Variants in PTPRS observed in about 807,000 individuals in gnomAD.
PTPRS encodes the protein protein tyrosine phosphatase receptor type S.
PTPRS carries 63 observed loss-of-function variants against 215.3 expected under a neutral mutation model. The observed-to-expected ratio is 0.29, with a 90% CI of 0.24 to 0.36. The LOEUF (loss-of-function observed/expected upper bound fraction) is 0.36, where lower values mean the gene tolerates loss of function less well. Among genes scored for constraint, PTPRS ranks in the 10% least tolerant of loss-of-function variants. PTPRS has a pLI of 1.00. For synonymous variants in PTPRS, 1,404 were observed against 1,191.4 expected (o/e 1.18, Z -3.68); for missense variants, 2,258 against 2,825.8 (o/e 0.80, Z 4.56).
chr19:5,314,221 T>C (rs985593050), intron 1 of PTPRS, among the ~76,000 whole-genome samples: 5 of 152,186 alleles, frequency 3.3e-5, no homozygotes, highest in Admixed American at 1.3e-4. Context: ...AAGCATGTCA[T>C]TTCCCTTCCA....
intron 1 of PTPRS, among the ~76,000 whole-genome samples, chr19:5,292,314 C>A (rs1376640370): frequency 1.3e-5 from 2 of 152,162 alleles, no homozygotes; most frequent in Non-Finnish European, 2.9e-5. Flanking sequence ...CAATGGAGAC[C>A]GAGACGGGGA....
intron 23 of PTPRS, 87 bp downstream of exon 23, chr19:5,219,223 G>A (rs569652855): frequency 6.5e-7 from 1 of 1,535,358 alleles, no homozygotes; most frequent in African/African-American, 1.4e-5. Context: ...GAGACCTTTA[G>A]TGATGATTCT....
At chr19:5,307,627 A>G (rs2049541517) in intron 1 of PTPRS, among the ~76,000 whole-genome samples, 2 of 152,358 alleles carry the variant, frequency 1.3e-5, no homozygotes, top group Non-Finnish European at 2.9e-5. Flanking sequence ...ATTTCTAGAT[A>G]AACTGCGCTC....
rs542688207 is a variant in PTPRS at position 5,265,054 on chromosome 19, A to G, written c.522T>C (p.Pro174=). ...GTCCATTGCTGGCACTAGGATCCAC[A>G]GGCAGGAAGTCCTTGAACCAGGTGA... ...PEITWFKDFL[P]VDPSASNGRI... The change falls in exon 5 of 38, where the codon CCT becomes CCC. Residue 174 remains proline, a synonymous_variant. Transcript: ENST00000262963. The G allele has an allele frequency of 1.1e-5, 17 of 1,614,102 alleles. 2 individuals are homozygous for G. The South Asian group carries it at 1.8e-4, about 17-fold the overall frequency.
At chr19:5,219,678 C>T (rs917071484) in intron 22 of PTPRS, among the ~76,000 whole-genome samples, 5 of 152,228 alleles carry the variant, frequency 3.3e-5, no homozygotes, top group East Asian at 1.9e-4. Flanking sequence ...CTTTCTGTAC[C>T]TCCAGACCTT....
At chr19:5,231,978 G>A (rs754360378) in intron 13 of PTPRS, among the ~76,000 whole-genome samples, 1 of 152,254 alleles carries the variant, frequency 6.6e-6, no homozygotes, top group Non-Finnish European at 1.5e-5. Flanking sequence ...CCTACTATGT[G>A]CTTGGCATCG....
Position 5,243,887 on chromosome 19 carries a change from A to T in PTPRS, c.1570+14T>A, listed in dbSNP as rs550123732. ...ACGGCCGGGGCCCCGAGTCCTGCCG[A>T]CCCCACGCCTCACCTCCCTGCTGCG... On this transcript the variant is annotated intron_variant, in intron 11 of 37. Coordinates refer to ENST00000262963, the MANE Select transcript of PTPRS (RefSeq NM_002850.4). 6 of 1,466,322 alleles carry T rather than the reference A, an allele frequency of 4.1e-6. No individual in the cohort carries two copies. In the South Asian group the frequency reaches 8.3e-5, roughly 20 times the overall value. The allele number at this position is 1,466,322 out of a possible 1,614,324, so 90.8% of individuals were successfully genotyped here.
intron 16 of PTPRS, among the ~76,000 whole-genome samples, chr19:5,226,085 C>T (rs537919079): frequency 1.1e-4 from 17 of 152,262 alleles, no homozygotes; most frequent in Admixed American, 2.0e-4. Flanking sequence ...CTCTCTGCTC[C>T]GCTCCCCTCA....
intron 13 of PTPRS, 42 bp from the exon 14 acceptor site, chr19:5,231,657 G>A (rs1300966243): frequency 2.1e-5 from 2 of 95,036 alleles, no homozygotes; most frequent in Non-Finnish European, 3.9e-5. Context: ...GGGAAGGGAG[G>A]TGGGATGGGT....
chr19:5,325,441 G>C (rs1421981755), intron 1 of PTPRS, among the ~76,000 whole-genome samples: 1 of 152,264 alleles, frequency 6.6e-6, no homozygotes, highest in South Asian at 2.1e-4. Flanking sequence ...TGGGCCATGG[G>C]GCCAGGTCTT....
At chr19:5,225,889 C>G in intron 16 of PTPRS, 45 bp from the exon 17 acceptor site, 12 of 1,500,188 alleles carry the variant, frequency 8.0e-6, no homozygotes, top group Non-Finnish European at 1.0e-5. Flanking sequence ...GGGCTGGGAG[C>G]AGCCCCACCC....
intron 1 of PTPRS, among the ~76,000 whole-genome samples, chr19:5,291,021 T>C (rs566194707): frequency 5.3e-5 from 8 of 152,154 alleles, no homozygotes; most frequent in Non-Finnish European, 1.2e-4. Flanking sequence ...CAGGGCGCCA[T>C]TATCTCCCTA....
At chr19:5,296,288 G>T (rs541245567) in intron 1 of PTPRS, among the ~76,000 whole-genome samples, 1 of 152,180 alleles carries the variant, frequency 6.6e-6, no homozygotes, top group Non-Finnish European at 1.5e-5. Context: ...GATCGCCTGA[G>T]GCCAGGAGTT....
Position 5,221,019 on chromosome 19 carries a change from G to C in PTPRS, c.3436C>G (p.Gln1146Glu), listed in dbSNP as rs1306330316. The change falls in exon 20 of 38, where the codon CAG (glutamine) becomes GAG (glutamate). Residue 1146 changes from glutamine (Q) to glutamate (E), a missense_variant. Coordinates refer to ENST00000262963, the MANE Select transcript of PTPRS (RefSeq NM_002850.4). The part of the protein sequence containing the change: ...GFIMVYLPDG[Q>E]SPVPVQSYFI... ...GCATACTGGACAGGCACGGGGCTCT[G>C]GCCGTCAGGAAGATACACCATGATG... is the stretch of plus-strand genomic sequence containing the variant. The C allele has an allele frequency of 6.2e-7, 1 of 1,611,716 alleles. No individual in the cohort carries two copies. Among genetic ancestry groups the C allele is most frequent in the Non-Finnish European group, 8.5e-7 (1 of 1,178,740 alleles).
Position 5,244,146 on chromosome 19 carries a change from G to A in PTPRS, c.1325C>T (p.Thr442Ile). The A allele has an allele frequency of 6.2e-7, 1 of 1,603,168 alleles. No individual in the cohort carries two copies. Among genetic ancestry groups the A allele is most frequent in the Non-Finnish European group, 8.5e-7 (1 of 1,175,088 alleles). The change falls in exon 11 of 38, where the codon ACC becomes ATC. Residue 442 changes from threonine to isoleucine, a missense_variant. Thr to Ile is a moderately conservative substitution (Grantham distance 89). This residue lies in a region of PTPRS where 508 missense variants were observed against 799.4 expected (regional missense o/e 0.64). Coordinates refer to ENST00000262963, the MANE Select transcript of PTPRS (RefSeq NM_002850.4). This position sits in a 1 kb window ranked among gnomAD's most constrained non-coding sequence, Gnocchi z 7.2. ...NVQARMLSAT[T>I]MIVQWEEPVE... Reference sequence around the variant, plus strand: ...CGGCTCCTCCCACTGCACAATCATGGTGGTCGCGCTGAGCATCCGGGCTTG... The same window carrying A: ...CGGCTCCTCCCACTGCACAATCATGATGGTCGCGCTGAGCATCCGGGCTTG...
Position 5,219,965 on chromosome 19 carries a change from G to A in PTPRS, c.3739C>T (p.Leu1247Phe), listed in dbSNP as rs1220355220. ...EPGHRYVLFV[L>F]AVLQKSEPTF... ...GGCTCGCTCTTCTGAAGCACGGCAAGCACGAAGAGGACATAGCGGTGGCCG... is the reference window on the plus strand; with the variant it reads ...GGCTCGCTCTTCTGAAGCACGGCAAACACGAAGAGGACATAGCGGTGGCCG... The change falls in exon 22 of 38, where the codon CTT becomes TTT. Residue 1247 changes from leucine (L) to phenylalanine (F), a missense_variant. Physicochemically the swap from Leu to Phe is conservative, Grantham distance 22. Coordinates refer to ENST00000262963, the MANE Select transcript of PTPRS (RefSeq NM_002850.4). 1 of 1,613,924 alleles carries A rather than the reference G, an allele frequency of 6.2e-7. No homozygotes were observed. The highest frequency in any genetic ancestry group is 1.1e-5 in the South Asian group (1 of 91,080).
chr19:5,289,065 C>A (rs2048599890), intron 1 of PTPRS, among the ~76,000 whole-genome samples: 1 of 152,140 alleles, frequency 6.6e-6, no homozygotes, highest in Non-Finnish European at 1.5e-5. Context: ...GTGGGAGGGG[C>A]CCAGGGAGTG....
intron 16 of PTPRS, 43 bp downstream of exon 16, chr19:5,229,273 G>T (rs760551240): frequency 7.3e-7 from 1 of 1,367,630 alleles, no homozygotes; most frequent in Non-Finnish European, 9.5e-7. Context: ...ACGGCCCGCG[G>T]GAAGCGCACA....
intron 13 of PTPRS, among the ~76,000 whole-genome samples, chr19:5,234,829 C>G (rs1286931421): frequency 1.3e-5 from 2 of 152,108 alleles, no homozygotes; most frequent in African/African-American, 4.8e-5. Context: ...GTGCCAGGTG[C>G]TGTGCTGGGG....
Sources: gnomAD v4.1 joint callset for allele counts (sites outside exome capture counted in the v4.1 genomes callset) on GRCh38, gnomAD v4.1.1 for gene constraint, gnomAD v4.1.1 regional missense constraint, Gnocchi (gnomAD v3.1) non-coding constraint, MANE v1.5 for transcripts, NCBI Gene and HGNC (gene_info 2026-07-23, HGNC 2026-07-21) for gene names.